NRG1: variants seen among roughly 807,000 people sequenced by gnomAD.
The protein encoded by NRG1 is pro-neuregulin-1, membrane-bound isoform.
A neutral mutation model predicts 63.8 loss-of-function variants in NRG1; 18 were observed. The observed-to-expected ratio is 0.28, with a 90% CI of 0.19 to 0.42. The LOEUF (loss-of-function observed/expected upper bound fraction) is 0.42. Ranked by LOEUF, NRG1 falls within the 10% of genes least tolerant of loss-of-function variation. NRG1 has a pLI of 1.00. For synonymous variants in NRG1, 302 were observed against 301.3 expected (o/e 1.00, Z -0.02); for missense variants, 762 against 814.7 (o/e 0.94, Z 0.79).
intron 1 of NRG1, among the ~76,000 whole-genome samples, chr8:32,558,938 G>A (rs1472542101): frequency 6.6e-6 from 1 of 151,768 alleles, no homozygotes; most frequent in Admixed American, 6.6e-5. Context: ...AAGTTAGCCG[G>A]GCAAGGTGGC....
chr8:31,843,265 G>A (rs1258994581), intron 1 of NRG1, among the ~76,000 whole-genome samples: 2 of 152,202 alleles, frequency 1.3e-5, no homozygotes, highest in African/African-American at 4.8e-5. Flanking sequence ...GTAGTGGCTG[G>A]AAGGGACAGG....
At chr8:32,043,779 A>T (rs564598847) in intron 1 of NRG1, among the ~76,000 whole-genome samples, 39 of 151,530 alleles carry the variant, frequency 2.6e-4, no homozygotes, top group Admixed American at 2.0e-3. Context: ...AACCACCAAA[A>T]TTTTTTTTTG....
At chr8:32,491,358 A>G (rs7821497) in intron 1 of NRG1, among the ~76,000 whole-genome samples, 96,661 of 152,026 alleles carry the variant, frequency 0.64, 31,013 homozygotes, top group East Asian at 0.79. Flanking sequence ...CTATTATTTC[A>G]ATATGCTTAT....
chr8:32,590,003 A>C (rs1842247208), intron 1 of NRG1, among the ~76,000 whole-genome samples: 1 of 152,228 alleles, frequency 6.6e-6, no homozygotes, highest in Non-Finnish European at 1.5e-5. Context: ...CAAATAGGAA[A>C]AGCAGAACAC....
intron 1 of NRG1, among the ~76,000 whole-genome samples, chr8:31,704,303 C>A (rs1375118854): frequency 1.3e-5 from 2 of 152,054 alleles, no homozygotes; most frequent in African/African-American, 4.8e-5. Context: ...AATATAAACA[C>A]AATGAAATCC....
At chr8:32,525,760 G>A (rs761276095) in intron 1 of NRG1, among the ~76,000 whole-genome samples, 5 of 151,968 alleles carry the variant, frequency 3.3e-5, no homozygotes, top group Non-Finnish European at 7.4e-5. Context: ...TTGGTACTTG[G>A]TGCCTCCAAT....
intron 5 of NRG1, among the ~76,000 whole-genome samples, chr8:32,666,714 G>T (rs1044625474): frequency 2.0e-5 from 3 of 152,148 alleles, no homozygotes; most frequent in Non-Finnish European, 4.4e-5. Flanking sequence ...TCACATTGTT[G>T]TGAGAAAGAG....
chr8:31,848,498 A>T (rs764371669), intron 1 of NRG1, among the ~76,000 whole-genome samples: 4 of 151,584 alleles, frequency 2.6e-5, no homozygotes, highest in Non-Finnish European at 5.9e-5. Context: ...AGGGTCCACA[A>T]CCCCTGGGCC....
intron 1 of NRG1, among the ~76,000 whole-genome samples, chr8:31,775,361 G>T (rs188396146): frequency 6.6e-6 from 1 of 152,160 alleles, no homozygotes; most frequent in African/African-American, 2.4e-5. Flanking sequence ...CAAGTATCAC[G>T]TTCTCACTTA....
intron 1 of NRG1, among the ~76,000 whole-genome samples, chr8:31,954,428 CTT>C (rs374120485): frequency 7.2e-5 from 11 of 152,080 alleles, no homozygotes; most frequent in Non-Finnish European, 1.5e-5. Flanking sequence ...TGCTCAGAAA[CTT>C]TTTTTATTGT....
At chr8:31,674,636 G>T (rs1807495760) in intron 1 of NRG1, among the ~76,000 whole-genome samples, 1 of 151,184 alleles carries the variant, frequency 6.6e-6, no homozygotes. Context: ...TGTAAGCTTT[G>T]TTTAGTATGA....
chr8:32,714,854 G>A (rs1818779663), intron 5 of NRG1, among the ~76,000 whole-genome samples: 1 of 152,186 alleles, frequency 6.6e-6, no homozygotes, highest in Non-Finnish European at 1.5e-5. Flanking sequence ...TTGGCAAGTA[G>A]AGTGTTAGCT....
exon 1 of NRG1, chr8:32,548,620 C>CA: frequency 7.1e-7 from 1 of 1,399,746 alleles, no homozygotes; most frequent in South Asian, 1.6e-5. Flanking sequence ...CGCGGCCGCT[C>CA]GCTCTCCCCC....
At chr8:32,107,816 C>A (rs1301428679) in intron 1 of NRG1, among the ~76,000 whole-genome samples, 1 of 152,116 alleles carries the variant, frequency 6.6e-6, no homozygotes, top group African/African-American at 2.4e-5. Flanking sequence ...ATATCAGCAT[C>A]TTTTTCCTAT....
intron 1 of NRG1, among the ~76,000 whole-genome samples, chr8:32,259,497 C>G (rs1183225947): frequency 6.6e-6 from 1 of 152,158 alleles, no homozygotes; most frequent in Non-Finnish European, 1.5e-5. Context: ...TGTTCTTGGA[C>G]TTCCCAGCCC....
intron 1 of NRG1, among the ~76,000 whole-genome samples, chr8:31,944,487 C>A (rs563109555): frequency 3.3e-5 from 5 of 152,338 alleles, no homozygotes; most frequent in African/African-American, 1.2e-4. Context: ...TCTTAACTTT[C>A]CAAGTTAGTG....
At chr8:32,006,453 C>T (rs1166351550) in intron 1 of NRG1, among the ~76,000 whole-genome samples, 1 of 151,974 alleles carries the variant, frequency 6.6e-6, no homozygotes, top group African/African-American at 2.4e-5. Context: ...TGTGATATGA[C>T]GTAGTTGACC....
chr8:32,034,998 T>C (rs750972909), intron 1 of NRG1, among the ~76,000 whole-genome samples: 3 of 152,178 alleles, frequency 2.0e-5, no homozygotes, highest in Non-Finnish European at 4.4e-5. Context: ...CTTTGTGGTT[T>C]GTTTACTCTT....
chr8:31,733,838 A>G (rs757538304), intron 1 of NRG1, among the ~76,000 whole-genome samples: 16 of 152,134 alleles, frequency 1.1e-4, no homozygotes, highest in Non-Finnish European at 2.2e-4. Context: ...CCAAACAATG[A>G]GAGGACAGCT....
Sources: allele counts gnomAD v4.1 joint callset (sites outside exome capture counted in the v4.1 genomes callset), GRCh38; gene constraint gnomAD v4.1.1; transcripts MANE v1.5; gene names NCBI Gene and HGNC (gene_info 2026-07-23, HGNC 2026-07-21).